Variants in FAM135B observed in about 807,000 individuals in gnomAD.
The protein encoded by FAM135B is protein FAM135B.
In FAM135B, 43 loss-of-function variants were observed where a neutral mutation model predicts 127.7. That is an observed-to-expected ratio of 0.34 (90% confidence interval 0.26 to 0.43). The LOEUF is 0.43. Among genes scored for constraint, FAM135B ranks in the 20% least tolerant of loss-of-function variants. The probability of loss-of-function intolerance (pLI) is 1.00; values close to 1 mark genes in which losing one functional copy is unlikely to be tolerated. For missense variants in FAM135B, 1,558 were observed against 1,725.6 expected, an observed-to-expected ratio of 0.90 and a Z score of 1.72; for synonymous variants, 670 against 665.1, an observed-to-expected ratio of 1.01 and a Z score of -0.11.
chr8:138,274,997 C>T (rs1253814862), intron 3 of FAM135B, among the ~76,000 whole-genome samples: 4 of 151,802 alleles, frequency 2.6e-5, no homozygotes, highest in Non-Finnish European at 5.9e-5. Context: ...CCTCAGCTGA[C>T]AGGATTGAGA....
intron 3 of FAM135B, among the ~76,000 whole-genome samples, chr8:138,297,075 G>A (rs1174173529): frequency 6.6e-6 from 1 of 152,110 alleles, no homozygotes. Context: ...GGCCCCTCAT[G>A]TACAGGTGCT....
intron 12 of FAM135B, among the ~76,000 whole-genome samples, chr8:138,162,216 T>G (rs1260957361): frequency 6.6e-6 from 1 of 152,182 alleles, no homozygotes; most frequent in African/African-American, 2.4e-5. Flanking sequence ...CAGCTATCTC[T>G]TCTGCCAAAA....
chr8:138,318,500 C>A (rs113803745), intron 2 of FAM135B, among the ~76,000 whole-genome samples: 100 of 152,270 alleles, frequency 6.6e-4, no homozygotes, highest in African/African-American at 2.4e-3. Flanking sequence ...TGATCCCCCA[C>A]AAATCCTATG....
intron 7 of FAM135B, among the ~76,000 whole-genome samples, chr8:138,237,848 C>T (rs1414990748): frequency 2.0e-5 from 3 of 152,144 alleles, no homozygotes; most frequent in Non-Finnish European, 4.4e-5. Context: ...GACCCAATTT[C>T]TTAAAATCTA....
intron 1 of FAM135B, among the ~76,000 whole-genome samples, chr8:138,435,656 G>T (rs939182645): frequency 2.0e-5 from 3 of 151,748 alleles, no homozygotes; most frequent in Non-Finnish European, 4.4e-5. Context: ...TATCTCATCA[G>T]GCCTCAATAT....
Position 138,380,343 on chromosome 8 carries a change from C to T in FAM135B, c.-19-12341G>A, listed in dbSNP as rs576951733. On this transcript the variant is annotated intron_variant, in intron 1 of 19. Coordinates refer to ENST00000395297, the MANE Select transcript of FAM135B (RefSeq NM_015912.4). ...CTCTGAGTAACTGGGATTACAGGTG[C>T]CTGCCACCACGCCTGGCTAGTTTTT... is the stretch of plus-strand genomic sequence containing the variant. Among the ~76,000 whole-genome samples, 4 of 152,122 alleles carry T rather than the reference C, an allele frequency of 2.6e-5. No individual in the cohort carries two copies. In the South Asian group the frequency reaches 8.3e-4, roughly 32 times the overall value.
intron 1 of FAM135B, among the ~76,000 whole-genome samples, chr8:138,385,266 T>C (rs1236744716): frequency 6.6e-6 from 1 of 152,216 alleles, no homozygotes; most frequent in African/African-American, 2.4e-5. Context: ...TATCACTGTC[T>C]TATGATAGTT....
intron 15 of FAM135B, among the ~76,000 whole-genome samples, chr8:138,144,601 A>G (rs1034870571): frequency 2.6e-5 from 4 of 152,228 alleles, no homozygotes; most frequent in Admixed American, 2.6e-4. Flanking sequence ...AGGTTTAAAA[A>G]GTAATATCAG....
intron 2 of FAM135B, among the ~76,000 whole-genome samples, chr8:138,332,689 G>A (rs1828274606): frequency 6.6e-6 from 1 of 152,042 alleles, no homozygotes; most frequent in Non-Finnish European, 1.5e-5. Context: ...GGAGAAGAGT[G>A]AACACGGAGT....
In FAM135B at chr8:138,151,894, A is replaced by G. The variant is rs765233795; in HGVS notation, c.2581T>C (p.Cys861Arg). Reference sequence around the variant, plus strand: ...TTCTCAGTCCTGCCATCAGGAAGACAGTGTCCTTGAGCATCAAACTGCTTC... The same window carrying G: ...TTCTCAGTCCTGCCATCAGGAAGACGGTGTCCTTGAGCATCAAACTGCTTC... ...KGKQFDAQGHCLPDGRTENTP... is the reference protein window; with the variant it reads ...KGKQFDAQGHRLPDGRTENTP... Residue 861 changes from cysteine to arginine, a missense_variant, in exon 13 of 20, where the codon TGT becomes CGT. This residue lies in a region of FAM135B where 923 missense variants were observed against 865.3 expected (regional missense o/e 1.07). Coordinates refer to ENST00000395297, the MANE Select transcript of FAM135B (RefSeq NM_015912.4). The G allele has an allele frequency of 1.2e-5, 19 of 1,614,026 alleles. No individual in the cohort carries two copies. In the South Asian group the frequency reaches 1.9e-4, roughly 16 times the overall value.
intron 19 of FAM135B, among the ~76,000 whole-genome samples, chr8:138,135,465 C>T (rs1816572108): frequency 6.6e-6 from 1 of 152,134 alleles, no homozygotes; most frequent in Non-Finnish European, 1.5e-5. Context: ...CATAAAAAAG[C>T]ATCAATATTT....
At position 138,254,500 on chromosome 8, in the gene FAM135B, G is replaced by A. The variant is rs138088120; in HGVS notation, c.368+2189C>T. 5.6e-3 allele frequency among the ~76,000 whole-genome samples: 855 copies of A among 152,278 alleles called. 9 individuals are homozygous for A. The highest frequency in any genetic ancestry group is 7.4e-3 in the Non-Finnish European group (506 of 68,030). ...TAGGGCGGGGTGGGTTAATGGAGGC[G>A]TTAATGACAGAAACCCCAGATGGTT... On this transcript the variant is annotated intron_variant, in intron 5 of 19. Transcript: ENST00000395297.
intron 1 of FAM135B, among the ~76,000 whole-genome samples, chr8:138,495,931 A>C (rs575926437): frequency 5.3e-5 from 8 of 152,312 alleles, no homozygotes; most frequent in African/African-American, 1.7e-4. Context: ...AAGGATTGTC[A>C]CTATGAGCGA....
At chr8:138,195,089 A>C (rs1816501839) in intron 9 of FAM135B, among the ~76,000 whole-genome samples, 169 bp downstream of exon 9, 1 of 152,256 alleles carries the variant, frequency 6.6e-6, no homozygotes, top group Non-Finnish European at 1.5e-5. Context: ...CTTATAGAAC[A>C]CAGTGATGTA....
At chr8:138,423,280 G>T (rs915445109) in intron 1 of FAM135B, among the ~76,000 whole-genome samples, 1 of 152,076 alleles carries the variant, frequency 6.6e-6, no homozygotes, top group Non-Finnish European at 1.5e-5. Context: ...AAAAGTTAGC[G>T]GAAAAAAAGC....
chr8:138,401,847 G>T (rs1157374), intron 1 of FAM135B, among the ~76,000 whole-genome samples: 2 of 152,076 alleles, frequency 1.3e-5, no homozygotes, highest in African/African-American at 2.4e-5. Flanking sequence ...TTCTGAGAAC[G>T]GTCTGGCTTA....
chr8:138,378,068 A>C (rs142703803), intron 1 of FAM135B, among the ~76,000 whole-genome samples: 1 of 152,340 alleles, frequency 6.6e-6, no homozygotes, highest in African/African-American at 2.4e-5. Flanking sequence ...TTCTGTGTGG[A>C]AACTTGGACA....
At chr8:138,407,758 C>T (rs181037337) in intron 1 of FAM135B, among the ~76,000 whole-genome samples, 2 of 152,244 alleles carry the variant, frequency 1.3e-5, no homozygotes, top group East Asian at 3.9e-4. Flanking sequence ...AAAATTAATT[C>T]AAGATGGATT....
At chr8:138,381,889 C>T (rs866450569) in intron 1 of FAM135B, among the ~76,000 whole-genome samples, 8 of 152,174 alleles carry the variant, frequency 5.3e-5, no homozygotes, top group Middle Eastern at 3.4e-3. Context: ...GATGCAGTAA[C>T]GGGTGGTGTC....
Sources: allele counts gnomAD v4.1 joint callset (sites outside exome capture counted in the v4.1 genomes callset), GRCh38; gene constraint gnomAD v4.1.1; regional missense constraint gnomAD v4.1.1; transcripts MANE v1.5; gene names NCBI Gene and HGNC (gene_info 2026-07-23, HGNC 2026-07-21).